Variants in MYCBP2 observed in about 807,000 individuals in gnomAD.
MYCBP2 encodes MYC binding protein 2, also known as E3 ubiquitin-protein ligase MYCBP2.
In MYCBP2, 120 loss-of-function variants were observed where a neutral mutation model predicts 525.3. The observed-to-expected ratio is 0.23, with a 90% CI of 0.20 to 0.27. MYCBP2 has a LOEUF of 0.27. Among genes scored for constraint, MYCBP2 ranks in the 10% least tolerant of loss-of-function variants. The pLI is 1.00. For synonymous variants in MYCBP2, 1,894 were observed against 1,955.8 expected, an observed-to-expected ratio of 0.97 and a Z score of 0.83; for missense variants, 4,149 against 5,657.1, an observed-to-expected ratio of 0.73 and a Z score of 8.55.
Position 77,166,535 on chromosome 13 carries a change from A to G in MYCBP2, c.6134T>C (p.Val2045Ala). The G allele has an allele frequency of 1.2e-6, 2 of 1,612,422 alleles. No homozygotes were observed. The highest frequency in any genetic ancestry group is 1.7e-6 in the Non-Finnish European group (2 of 1,179,208). Residue 2045 changes from valine to alanine, a missense_variant, in exon 41 of 83, where the codon GTG becomes GCG. Around this residue, in one of 21 missense-constraint regions of MYCBP2, gnomAD observed 692 missense variants for 852.7 expected, o/e 0.81. Transcript: ENST00000544440. ...GTCAAATTCGATTGTCATCCACCTC[A>G]CACATTCTGGGAATGTCACCTGAGG... Reference protein sequence around the residue: ...MHYKVTFPECVRWMTIEFDPQ... With the variant: ...MHYKVTFPECARWMTIEFDPQ...
At position 77,083,142 on chromosome 13, in the gene MYCBP2, G is replaced by A. The variant is rs141032332; in HGVS notation, c.10926C>T (p.Ala3642=). The A allele has an allele frequency of 5.6e-6, 9 of 1,613,230 alleles. No individual in the cohort carries two copies. Among genetic ancestry groups the A allele is most frequent in the African/African-American group, 4.0e-5 (3 of 74,784 alleles). Residue 3642 remains alanine (A), a synonymous_variant, in exon 63 of 83, where the codon GCC becomes GCT. Coordinates refer to ENST00000544440, the MANE Select transcript of MYCBP2 (RefSeq NM_015057.5). ...GTGGTAAAGGATGAGCAGCTTCCCCGGCAATCACTATGTCTGAGAGTGGAT... is the reference window on the plus strand; with the variant it reads ...GTGGTAAAGGATGAGCAGCTTCCCCAGCAATCACTATGTCTGAGAGTGGAT... ...CEHPLSDIVI[A]GEAAHPLPHT...
chr13:77,185,477 CA>C, intron 31 of MYCBP2, 100 bp from the exon 32 acceptor site: 1 of 1,221,014 alleles, frequency 8.2e-7, no homozygotes, highest in African/African-American at 1.5e-5. Flanking sequence ...CTAAGTATCA[CA>C]AGTACTAATA....
rs759595739 is a variant in MYCBP2, at chr13:77,087,546, G to A, written c.10813C>T (p.Pro3605Ser). ...TCCTCTTCTTCCTCTGGTTCCACTG[G>A]TGCAGGAGTCAGTGATGCCACAAAA... ...WHFVASLTPA[P>S]VEPEEEEDEE... Residue 3605 changes from proline (P) to serine (S), a missense_variant, in exon 62 of 83, where the codon CCA (proline) becomes TCA (serine). Pro to Ser is a moderately conservative substitution (Grantham distance 74, BLOSUM62 -1). Transcript: ENST00000544440. 4 of 1,612,874 alleles carry A rather than the reference G, an allele frequency of 2.5e-6. No homozygotes were observed. Among genetic ancestry groups the A allele is most frequent in the Middle Eastern group, 1.7e-4 (1 of 6,050 alleles).
At chr13:77,272,564 C>G (rs1321108415) in intron 5 of MYCBP2, among the ~76,000 whole-genome samples, 2 of 152,050 alleles carry the variant, frequency 1.3e-5, no homozygotes, top group Non-Finnish European at 2.9e-5. Context: ...TTGCCAAACC[C>G]TGAAAGCATG....
intron 10 of MYCBP2, among the ~76,000 whole-genome samples, chr13:77,262,593 A>T (rs528531754): frequency 6.2e-4 from 94 of 152,156 alleles, no homozygotes; most frequent in Non-Finnish European, 1.2e-3. Context: ...GAACAATGCC[A>T]TGCAGATATT....
chr13:77,196,064 A>G (rs1030294125), intron 26 of MYCBP2, among the ~76,000 whole-genome samples: 3 of 152,220 alleles, frequency 2.0e-5, no homozygotes, highest in Non-Finnish European at 4.4e-5. Flanking sequence ...TTGAATTTAC[A>G]GTTTTAAGTA....
Position 77,191,754 on chromosome 13 carries a change from A to G in MYCBP2, c.3995T>C (p.Val1332Ala), listed in dbSNP as rs765108451. ...PVLLQAGWWY[V>A]AWARVSGPSS... ...GGGTCCTGACACTCGGGCCCATGCC[A>G]CATACCACCACCCAGCTTGCAGGAG... Residue 1332 changes from valine to alanine, a missense_variant, in exon 28 of 83, where the codon GTG (valine) becomes GCG (alanine). Physicochemically the swap from Val to Ala is moderately conservative, Grantham distance 64. Transcript: ENST00000544440. 6.2e-7 allele frequency: 1 copy of G among 1,614,124 alleles called. No individual in the cohort carries two copies. Among genetic ancestry groups the G allele is most frequent in the South Asian group, 1.1e-5 (1 of 91,076 alleles).
chr13:77,228,768 T>C (rs2066708561), intron 18 of MYCBP2, among the ~76,000 whole-genome samples: 1 of 151,696 alleles, frequency 6.6e-6, no homozygotes, highest in African/African-American at 2.4e-5. Context: ...TACAAAGCCT[T>C]GGCAACTATG....
At chr13:77,086,779 A>G (rs1418917264) in intron 62 of MYCBP2, among the ~76,000 whole-genome samples, 1 of 152,000 alleles carries the variant, frequency 6.6e-6, no homozygotes, top group Non-Finnish European at 1.5e-5. Flanking sequence ...TTAGTTCTTT[A>G]TCGAATCCAT....
Position 77,174,382 on chromosome 13 carries a change from G to A in MYCBP2, c.5580C>T (p.Phe1860=). 6.2e-7 allele frequency: 1 copy of A among 1,614,124 alleles called. No homozygotes were observed. Among genetic ancestry groups the A allele is most frequent in the East Asian group, 2.2e-5 (1 of 44,876 alleles). ...VQCPDGVTFT[F]STCSLSSNGT... ...CGTTACTGCTCAAGCTGCACGTGCT[G>A]AATGTGAATGTCACACCATCAGGGC... The change falls in exon 37 of 83, where the codon TTC becomes TTT. Residue 1860 remains phenylalanine, a synonymous_variant. Coordinates refer to ENST00000544440, the MANE Select transcript of MYCBP2 (RefSeq NM_015057.5).
At chr13:77,174,751 C>T (rs1020880920) in intron 36 of MYCBP2, among the ~76,000 whole-genome samples, 1 of 148,836 alleles carries the variant, frequency 6.7e-6, no homozygotes, top group African/African-American at 2.5e-5. Context: ...TCATTACTAT[C>T]CCTATTTTAC....
chr13:77,243,620 G>GAAA (rs68189974), intron 16 of MYCBP2, among the ~76,000 whole-genome samples, 186 bp downstream of exon 16: 1 of 110,008 alleles, frequency 9.1e-6, no homozygotes, highest in Non-Finnish European at 2.0e-5. Flanking sequence ...CTCAAAAAAA[G>GAAA]AAAAAAAAAA....
chr13:77,097,709 T>C lies in MYCBP2; in HGVS notation c.9445A>G (p.Thr3149Ala), dbSNP rs1223015714. ...GGAAGAGGAGACTTAGACTTCATTG[T>C]GTTATGCATGGACATTTCAAAAGTG... The part of the protein sequence containing the change: ...ETTFEMSMHN[T>A]MKSKSPLPLT... The change falls in exon 56 of 83, where the codon ACA (threonine) becomes GCA (alanine). Residue 3149 changes from threonine (T) to alanine (A), a missense_variant. Physicochemically the swap from Thr to Ala is moderately conservative, Grantham distance 58. Coordinates refer to ENST00000544440, the MANE Select transcript of MYCBP2 (RefSeq NM_015057.5). 1 of 1,613,590 alleles carries C rather than the reference T, an allele frequency of 6.2e-7. No homozygotes were observed. Among genetic ancestry groups the C allele is most frequent in the Admixed American group, 1.7e-5 (1 of 59,912 alleles).
At chr13:77,099,182 AATTTCTACACATC>A in intron 55 of MYCBP2, 169 bp from the exon 56 acceptor site, 2 of 931,708 alleles carry the variant, frequency 2.1e-6, no homozygotes, top group Non-Finnish European at 3.1e-6. Context: ...TTTCTAATAA[AATTTCTACACATC>A]ATTACACAAC....
chr13:77,097,401 C>T lies in MYCBP2; in HGVS notation c.9753G>A (p.Pro3251=), dbSNP rs140528841. Residue 3251 remains proline, a synonymous_variant, in exon 56 of 83, where the codon CCG becomes CCA. Transcript: ENST00000544440. ...CELCGESHPY[P]VTYHMRQAHP... The stretch of plus-strand genomic sequence containing the variant: ...GAGCTTGTCTCATGTGATAGGTCAC[C>T]GGGTATGGATGTGACTCCCCACACA... The T allele has an allele frequency of 9.3e-6, 15 of 1,610,020 alleles. No individual in the cohort carries two copies. The highest frequency in any genetic ancestry group is 3.3e-5 in the South Asian group (3 of 90,108).
At chr13:77,227,250 A>C (rs2066402912) in intron 18 of MYCBP2, among the ~76,000 whole-genome samples, 1 of 151,706 alleles carries the variant, frequency 6.6e-6, no homozygotes, top group Non-Finnish European at 1.5e-5. Flanking sequence ...AGAATTAGTG[A>C]GAGGTTTTAC....
chr13:77,069,574 C>T (rs2040794025), intron 69 of MYCBP2, among the ~76,000 whole-genome samples: 1 of 148,466 alleles, frequency 6.7e-6, no homozygotes, highest in Non-Finnish European at 1.5e-5. Context: ...CCCGTCTCTA[C>T]TAAAAATACA....
intron 21 of MYCBP2, among the ~76,000 whole-genome samples, chr13:77,212,468 T>C (rs2064156375): frequency 6.6e-6 from 1 of 152,218 alleles, no homozygotes; most frequent in South Asian, 2.1e-4. Context: ...AAATGAAAAG[T>C]ACGACAAATA....
intron 7 of MYCBP2, among the ~76,000 whole-genome samples, chr13:77,268,780 CAA>C (rs773374360): frequency 7.8e-5 from 10 of 128,882 alleles, no homozygotes; most frequent in Admixed American, 7.8e-5. Context: ...ACTACAACTC[CAA>C]AAAAAAAAAA....
Sources: gnomAD v4.1 joint callset for allele counts (sites outside exome capture counted in the v4.1 genomes callset) on GRCh38, gnomAD v4.1.1 for gene constraint, gnomAD v4.1.1 regional missense constraint, MANE v1.5 for transcripts, NCBI Gene and HGNC (gene_info 2026-07-23, HGNC 2026-07-21) for gene names.